Variants in SUSD1 observed in about 807,000 individuals in gnomAD.
SUSD1 encodes sushi domain-containing protein 1.
In SUSD1, 65 loss-of-function variants were observed where a neutral mutation model predicts 86.9. The ratio of observed to expected loss-of-function variants is 0.75; its 90% confidence interval spans 0.61 to 0.92. The LOEUF is 0.92. Among genes scored for constraint, SUSD1 ranks in the 40% least tolerant of loss-of-function variants. The probability of loss-of-function intolerance (pLI) is 0.00; values close to 1 mark genes in which losing one functional copy is unlikely to be tolerated. For missense variants in SUSD1, 850 were observed against 929.7 expected, an observed-to-expected ratio of 0.91 and a Z score of 1.11; for synonymous variants, 346 against 350.0, an observed-to-expected ratio of 0.99 and a Z score of 0.13.
chr9:112,097,551 C>G (rs1163459589), intron 10 of SUSD1, among the ~76,000 whole-genome samples: 1 of 151,736 alleles, frequency 6.6e-6, no homozygotes, highest in Non-Finnish European at 1.5e-5. Context: ...GCACACACCA[C>G]CATGCCCAGC....
chr9:112,076,439 T>C (rs1829515678), intron 12 of SUSD1, among the ~76,000 whole-genome samples: 1 of 152,184 alleles, frequency 6.6e-6, no homozygotes, highest in African/African-American at 2.4e-5. Flanking sequence ...TCTGAACAAT[T>C]GGGTGAACAG....
intron 12 of SUSD1, among the ~76,000 whole-genome samples, chr9:112,068,383 C>T (rs1025002029): frequency 1.4e-4 from 21 of 152,040 alleles, no homozygotes; most frequent in African/African-American, 5.1e-4. Flanking sequence ...TCTGAGAGAT[C>T]TGAGGTTCCA....
rs757168125 is a variant in SUSD1 at position 112,111,643 on chromosome 9, C to T, written c.1171+11G>A. ...TTTTCTAGGAGGAAATGAGACTTCA[C>T]CTCCACCTACCAGCTGTCTGGAAAC... On this transcript the variant is annotated intron_variant, in intron 8 of 16. Transcript: ENST00000374270. 6.2e-7 allele frequency: 1 copy of T among 1,610,894 alleles called. No homozygotes were observed. The highest frequency in any genetic ancestry group is 1.1e-5 in the South Asian group (1 of 90,650).
At chr9:112,155,752 A>G (rs1222985071) in intron 2 of SUSD1, among the ~76,000 whole-genome samples, 1 of 151,992 alleles carries the variant, frequency 6.6e-6, no homozygotes, top group Middle Eastern at 3.2e-3. Context: ...ACTTGAGCCC[A>G]GGAGCTCAAG....
chr9:112,068,261 G>A (rs1829080127), intron 12 of SUSD1, among the ~76,000 whole-genome samples: 1 of 152,204 alleles, frequency 6.6e-6, no homozygotes, highest in South Asian at 2.1e-4. Flanking sequence ...ATCTGCAGAG[G>A]CATGAGGTGG....
chr9:112,046,358 A>G (rs1196319775), intron 15 of SUSD1, among the ~76,000 whole-genome samples: 1 of 152,128 alleles, frequency 6.6e-6, no homozygotes, highest in East Asian at 1.9e-4. Flanking sequence ...CTTGTAGAAT[A>G]TTTTTTTACA....
At chr9:112,126,013 C>A (rs1831759159) in intron 5 of SUSD1, among the ~76,000 whole-genome samples, 1 of 152,164 alleles carries the variant, frequency 6.6e-6, no homozygotes. Context: ...GACACAAGAC[C>A]CCTTGGCCCT....
At chr9:112,098,198 C>T (rs952661088) in intron 10 of SUSD1, among the ~76,000 whole-genome samples, 1 of 152,058 alleles carries the variant, frequency 6.6e-6, no homozygotes, top group Non-Finnish European at 1.5e-5. Flanking sequence ...AGATAAAATG[C>T]TTTATGGAAT....
chr9:112,123,330 C>T (rs976301310), intron 6 of SUSD1, among the ~76,000 whole-genome samples: 48 of 152,072 alleles, frequency 3.2e-4, no homozygotes, highest in African/African-American at 1.1e-3. Context: ...TGCCAGGTTC[C>T]TTTTAACAAT....
chr9:112,058,571 C>T lies in SUSD1; in HGVS notation c.1966G>A (p.Glu656Lys). 1 of 1,614,138 alleles carries T rather than the reference C, an allele frequency of 6.2e-7. No homozygotes were observed. Among genetic ancestry groups the T allele is most frequent in the Non-Finnish European group, 8.5e-7 (1 of 1,180,024 alleles). Reference protein sequence around the residue: ...ASDADGYVAAELLAKDVPDDA... With the variant: ...ASDADGYVAAKLLAKDVPDDA... The stretch of plus-strand genomic sequence containing the variant: ...TCTGGAACATCTTTGGCCAGTAGTT[C>T]TGCAGCCACGTATCCATCAGCATCA... The change falls in exon 14 of 17, where the codon GAA (glutamate) becomes AAA (lysine). Residue 656 changes from glutamate to lysine, a missense_variant. Transcript: ENST00000374270.
chr9:112,108,385 C>G (rs1053135719), intron 8 of SUSD1, among the ~76,000 whole-genome samples: 1 of 152,114 alleles, frequency 6.6e-6, no homozygotes, highest in Non-Finnish European at 1.5e-5. Flanking sequence ...ATGCATTCAA[C>G]TCAAGAATTT....
chr9:112,122,667 G>C (rs935400276), intron 6 of SUSD1, among the ~76,000 whole-genome samples: 2 of 152,150 alleles, frequency 1.3e-5, no homozygotes, highest in Admixed American at 6.5e-5. Flanking sequence ...GTCTCAAAGA[G>C]AGATTTGTAC....
At chr9:112,149,193 T>C (rs772781760) in intron 3 of SUSD1, 51 bp downstream of exon 3, 5 of 1,604,928 alleles carry the variant, frequency 3.1e-6, no homozygotes, top group Admixed American at 1.7e-5. Context: ...ACAGCCCAGA[T>C]ACTATCCTGC....
At chr9:112,080,475 G>T (rs950610125) in intron 10 of SUSD1, among the ~76,000 whole-genome samples, 2 of 152,096 alleles carry the variant, frequency 1.3e-5, no homozygotes, top group Non-Finnish European at 2.9e-5. Context: ...ATCACTTGAG[G>T]CCACGAGTTC....
chr9:112,089,200 G>T (rs977044953), intron 10 of SUSD1, among the ~76,000 whole-genome samples: 1 of 152,094 alleles, frequency 6.6e-6, no homozygotes, highest in African/African-American at 2.4e-5. Flanking sequence ...TTTTTTAAAG[G>T]TATAAAGGTA....
At chr9:112,051,408 CTTTTTTTTTTTTTTTT>C in intron 15 of SUSD1, among the ~76,000 whole-genome samples, 1 of 77,042 alleles carries the variant, frequency 1.3e-5, no homozygotes, top group African/African-American at 4.8e-5. Flanking sequence ...TTTTTCTTTT[CTTTTTTTTTTTTTTTT>C]TTTTTTTTTG....
In SUSD1 at chr9:112,078,779, C is replaced by T. The variant is rs948121172; in HGVS notation, c.1567-55G>A. 4 of 1,418,500 alleles carry T rather than the reference C, an allele frequency of 2.8e-6. No individual in the cohort carries two copies. The African/African-American group carries it at 4.4e-5, about 15-fold the overall frequency. 87.9% of individuals were successfully genotyped at this position (1,418,500 alleles called of 1,614,324 possible). On this transcript the variant is annotated intron_variant, in intron 11 of 16. Transcript: ENST00000374270. Reference sequence around the variant, plus strand: ...TGGTTGGCCTAAAAGGCTTTAGATGCCTTGAAACCTCCCCTTTTCCTTTTT... The same window carrying T: ...TGGTTGGCCTAAAAGGCTTTAGATGTCTTGAAACCTCCCCTTTTCCTTTTT...
intron 10 of SUSD1, among the ~76,000 whole-genome samples, chr9:112,091,393 CA>C (rs1337314091): frequency 6.6e-6 from 1 of 152,150 alleles, no homozygotes; most frequent in Non-Finnish European, 1.5e-5. Flanking sequence ...GCATGCTGTT[CA>C]AAACCTGCAG....
At chr9:112,091,464 C>T (rs1464508835) in intron 10 of SUSD1, among the ~76,000 whole-genome samples, 4 of 152,168 alleles carry the variant, frequency 2.6e-5, no homozygotes, top group Admixed American at 2.6e-4. Flanking sequence ...GGGAAGAGTG[C>T]TCTGTTCCTT....
Sources: gnomAD v4.1 joint callset for allele counts (sites outside exome capture counted in the v4.1 genomes callset) on GRCh38, gnomAD v4.1.1 for gene constraint, MANE v1.5 for transcripts, NCBI Gene and HGNC (gene_info 2026-07-23, HGNC 2026-07-21) for gene names.